The following ATP10D variants were observed in gnomAD, a reference collection of about 807,000 sequenced individuals.
The protein encoded by ATP10D is ATPase phospholipid transporting 10D (putative), also known as phospholipid-transporting ATPase VD.
Under a neutral mutation model 144.8 loss-of-function variants are expected in ATP10D, and 89 were observed. The observed-to-expected ratio is 0.61, with a 90% CI of 0.52 to 0.73. The LOEUF (loss-of-function observed/expected upper bound fraction) is 0.73. ATP10D is among the 30% of genes least tolerant of loss of function. The pLI, the probability that ATP10D is intolerant of heterozygous loss-of-function variation, is 0.00. For synonymous variants in ATP10D, 571 were observed against 615.1 expected, an observed-to-expected ratio of 0.93 and a Z score of 1.06; for missense variants, 1,603 against 1,714.8, an observed-to-expected ratio of 0.93 and a Z score of 1.15.
chr4:47,497,929 A>C (rs1266595859), intron 1 of ATP10D, among the ~76,000 whole-genome samples: 1 of 152,214 alleles, frequency 6.6e-6, no homozygotes, highest in East Asian at 1.9e-4. Context: ...AAGCATCTTT[A>C]AAATGCTTTT....
At chr4:47,489,239 C>T (rs1714946933) in intron 1 of ATP10D, among the ~76,000 whole-genome samples, 1 of 152,148 alleles carries the variant, frequency 6.6e-6, no homozygotes, top group South Asian at 2.1e-4. Flanking sequence ...CATTTTCACA[C>T]ATCACATTAA....
At position 47,591,329 on chromosome 4, in the gene ATP10D, C is replaced by G; in HGVS notation, c.4229C>G (p.Ser1410Cys). The change falls in exon 23 of 23, where the codon TCT (serine) becomes TGT (cysteine). Residue 1410 changes from serine (S) to cysteine (C), a missense_variant. Transcript: ENST00000273859. The part of the protein sequence containing the change: ...LCETALDQGY[S>C]ETKAFEMAGP... ...GAAACTGCTTTAGATCAAGGCTACT[C>G]TGAAACTAAGGCCTTTGAGATGGCT... 6.2e-7 allele frequency: 1 copy of G among 1,613,112 alleles called. No individual in the cohort carries two copies. Among genetic ancestry groups the G allele is most frequent in the Non-Finnish European group, 8.5e-7 (1 of 1,179,286 alleles).
At chr4:47,570,248 A>C (rs1459848906) in intron 16 of ATP10D, among the ~76,000 whole-genome samples, 2 of 152,142 alleles carry the variant, frequency 1.3e-5, no homozygotes, top group Non-Finnish European at 2.9e-5. Context: ...AGACCCAGAG[A>C]CATTTGCTGG....
At position 47,587,000 on chromosome 4, in the gene ATP10D, T is replaced by C; in HGVS notation, c.3754-19T>C. On this transcript the variant is annotated intron_variant, in intron 21 of 22. Coordinates refer to ENST00000273859, the MANE Select transcript of ATP10D (RefSeq NM_020453.4). ...TCAGTGACAGAGCATTCATTTCCTC[T>C]GCTCTTCTTGTCTTACAGACTTGGA... 1 of 1,611,816 alleles carries C rather than the reference T, an allele frequency of 6.2e-7. No homozygotes were observed. Among genetic ancestry groups the C allele is most frequent in the Non-Finnish European group, 8.5e-7 (1 of 1,178,330 alleles).
chr4:47,496,179 C>T (rs556088948), intron 1 of ATP10D, among the ~76,000 whole-genome samples: 12 of 105,062 alleles, frequency 1.1e-4, no homozygotes, highest in South Asian at 5.6e-4. Context: ...TTTTTTGAGA[C>T]GGAGTTTCAC....
At chr4:47,495,954 C>T (rs768074241) in intron 1 of ATP10D, among the ~76,000 whole-genome samples, 9 of 151,666 alleles carry the variant, frequency 5.9e-5, no homozygotes, top group South Asian at 2.1e-4. Context: ...TCAGGCTGGT[C>T]GCGAACTCCT....
intron 5 of ATP10D, among the ~76,000 whole-genome samples, chr4:47,534,002 A>G (rs1378882381): frequency 6.6e-6 from 1 of 152,102 alleles, no homozygotes; most frequent in Non-Finnish European, 1.5e-5. Flanking sequence ...AATATCTACA[A>G]TTGTCTGAAA....
intron 14 of ATP10D, among the ~76,000 whole-genome samples, chr4:47,561,346 G>A (rs1372901054): frequency 6.6e-6 from 1 of 152,162 alleles, no homozygotes; most frequent in East Asian, 1.9e-4. Context: ...CCAAGTAAAT[G>A]TTCCAATAAA....
intron 10 of ATP10D, chr4:47,547,100 AAGG>A: frequency 1.9e-6 from 1 of 522,590 alleles, no homozygotes; most frequent in Non-Finnish European, 3.4e-6. Context: ...GAAAAAAAAA[AAGG>A]AGAATATTTC....
chr4:47,520,906 A>G (rs1320052800), intron 3 of ATP10D, among the ~76,000 whole-genome samples: 1 of 152,092 alleles, frequency 6.6e-6, no homozygotes, highest in Non-Finnish European at 1.5e-5. Flanking sequence ...CAGAGATTAC[A>G]CTTTCTTCTT....
chr4:47,581,370 G>A (rs973447781), intron 20 of ATP10D, among the ~76,000 whole-genome samples: 1 of 152,184 alleles, frequency 6.6e-6, no homozygotes, highest in Middle Eastern at 3.2e-3. Context: ...TAGAAGCACA[G>A]TATTAAGAAT....
At chr4:47,567,346 T>G (rs1412457160) in intron 15 of ATP10D, among the ~76,000 whole-genome samples, 1 of 152,240 alleles carries the variant, frequency 6.6e-6, no homozygotes, top group East Asian at 1.9e-4. Context: ...CCTAAACACA[T>G]ACTCAAATAA....
At chr4:47,490,591 A>G (rs1269188184) in intron 1 of ATP10D, among the ~76,000 whole-genome samples, 2 of 152,190 alleles carry the variant, frequency 1.3e-5, no homozygotes, top group African/African-American at 2.4e-5. Context: ...CATGGTCAGG[A>G]TGGATGGGTT....
chr4:47,507,516 A>G (rs1449401866), intron 1 of ATP10D, among the ~76,000 whole-genome samples: 1 of 152,250 alleles, frequency 6.6e-6, no homozygotes, highest in African/African-American at 2.4e-5. Flanking sequence ...ACAAGCTAAA[A>G]GTGAATGCTT....
chr4:47,496,578 C>T (rs946526407), intron 1 of ATP10D, among the ~76,000 whole-genome samples: 2 of 152,042 alleles, frequency 1.3e-5, no homozygotes, highest in Non-Finnish European at 2.9e-5. Context: ...GTTAAAGTCC[C>T]CCAAAACTAT....
chr4:47,498,591 A>G (rs1271942096), intron 1 of ATP10D, among the ~76,000 whole-genome samples: 1 of 152,226 alleles, frequency 6.6e-6, no homozygotes, highest in Non-Finnish European at 1.5e-5. Context: ...AATAATACTT[A>G]TTATACATTG....
Position 47,546,806 on chromosome 4 carries a change from G to A in ATP10D, c.1579G>A (p.Gly527Arg), listed in dbSNP as rs1158341472. The change falls in exon 10 of 23, where the codon GGA becomes AGA. Residue 527 changes from glycine (G) to arginine (R), a missense_variant. Coordinates refer to ENST00000273859, the MANE Select transcript of ATP10D (RefSeq NM_020453.4). ...LAGSSFTLGS[G>R]EGASEVPHSR... Reference sequence around the variant, plus strand: ...TGGGAGCTCTTTTACTCTAGGAAGTGGAGAAGGAGCCAGTGAAGTGCCTCA... The same window carrying A: ...TGGGAGCTCTTTTACTCTAGGAAGTAGAGAAGGAGCCAGTGAAGTGCCTCA... The A allele has an allele frequency of 6.2e-7, 1 of 1,613,558 alleles. No homozygotes were observed. Among genetic ancestry groups the A allele is most frequent in the Non-Finnish European group, 8.5e-7 (1 of 1,179,978 alleles).
intron 5 of ATP10D, among the ~76,000 whole-genome samples, chr4:47,532,045 A>G (rs1308543349): frequency 1.3e-5 from 2 of 152,138 alleles, no homozygotes; most frequent in Admixed American, 1.3e-4. Flanking sequence ...CCCAATTCTG[A>G]TAGTTTGTCT....
Position 47,572,600 on chromosome 4 carries a change from A to G in ATP10D, c.3241-272A>G, listed in dbSNP as rs558206511. 1.2e-4 allele frequency among the ~76,000 whole-genome samples: 18 copies of G among 151,030 alleles called. No individual in the cohort carries two copies. The East Asian group carries it at 3.5e-3, about 30-fold the overall frequency. On this transcript the variant is annotated intron_variant, in intron 17 of 22. Transcript: ENST00000273859. The stretch of plus-strand genomic sequence containing the variant: ...GGGAAAAAAAGGGAAAGAAGAGGAA[A>G]TGAGAGGAGAAGGAAGGAAGTGGGA...
Sources: allele counts gnomAD v4.1 joint callset (sites outside exome capture counted in the v4.1 genomes callset), GRCh38; gene constraint gnomAD v4.1.1; transcripts MANE v1.5; gene names NCBI Gene and HGNC (gene_info 2026-07-23, HGNC 2026-07-21).